Variants in MFSD1 observed in about 807,000 individuals in gnomAD.
MFSD1 encodes the protein lysosomal dipeptide transporter MFSD1.
In MFSD1, 59 loss-of-function variants were observed where a neutral mutation model predicts 67.1. The observed-to-expected ratio is 0.88, with a 90% confidence interval of 0.71 to 1.09. The LOEUF is 1.09. MFSD1 is among the 50% of genes least tolerant of loss of function. MFSD1 has a pLI of 0.00. For missense variants in MFSD1, 552 were observed against 566.1 expected (o/e 0.97, Z 0.25); for synonymous variants, 213 against 200.3 (o/e 1.06, Z -0.54).
intron 5 of MFSD1, chr3:158,808,938 C>T (rs902834742): frequency 3.3e-5 from 13 of 390,084 alleles, no homozygotes; most frequent in Non-Finnish European, 4.2e-5. Flanking sequence ...GCTCCAAGTG[C>T]GAGTGTCGGA....
chr3:158,823,994 TC>T (rs1730825228), intron 12 of MFSD1, 129 bp from the exon 13 acceptor site: 3 of 729,146 alleles, frequency 4.1e-6, no homozygotes. Flanking sequence ...AATCAAGTCA[TC>T]CCTGGTGGAA....
At position 158,819,727 on chromosome 3, in the gene MFSD1, A is replaced by G; in HGVS notation, c.731A>G (p.His244Arg). Reference sequence around the variant, plus strand: ...GATCAGAGAGCAGAGAGAATCCTTCATAAAGAACAAGGAAAAACAGGTAAG... The same window carrying G: ...GATCAGAGAGCAGAGAGAATCCTTCGTAAAGAACAAGGAAAAACAGGTAAG... ...YLDQRAERILHKEQGKTGEVI... is the reference protein window; with the variant it reads ...YLDQRAERILRKEQGKTGEVI... The change falls in exon 8 of 16, where the codon CAT becomes CGT. Residue 244 changes from histidine to arginine, a missense_variant. Transcript: ENST00000415822. 1.9e-6 allele frequency: 3 copies of G among 1,606,520 alleles called. No individual in the cohort carries two copies. Among genetic ancestry groups the G allele is most frequent in the South Asian group, 1.1e-5 (1 of 90,534 alleles).
At chr3:158,804,449 G>T in intron 2 of MFSD1, 78 bp downstream of exon 2, 1 of 1,183,454 alleles carries the variant, frequency 8.4e-7, no homozygotes. Context: ...CAACCCTCAG[G>T]TGCCCTAGTC....
At chr3:158,805,619 A>G (rs1374145345) in intron 3 of MFSD1, 145 bp downstream of exon 3, 14 of 699,980 alleles carry the variant, frequency 2.0e-5, no homozygotes, top group Non-Finnish European at 3.4e-5. Context: ...TGATTTTTAT[A>G]TCTCTGGAGT....
chr3:158,818,334 C>T (rs10936162), intron 7 of MFSD1, among the ~76,000 whole-genome samples: 21,232 of 152,048 alleles, frequency 0.14, 1,763 homozygotes, highest in African/African-American at 0.22. Flanking sequence ...TCACCTCATG[C>T]GTCTATCACT....
At chr3:158,826,573 C>A (rs1188346216) in intron 14 of MFSD1, among the ~76,000 whole-genome samples, 1 of 150,750 alleles carries the variant, frequency 6.6e-6, no homozygotes, top group African/African-American at 2.4e-5. Context: ...ACTGCTTGCT[C>A]CTAAAGAGTT....
chr3:158,812,713 A>G lies in MFSD1; in HGVS notation c.550-1252A>G, dbSNP rs543508280. Among the ~76,000 whole-genome samples the G allele has an allele frequency of 5.9e-5, 9 of 152,316 alleles. No homozygotes were observed. In the South Asian group the frequency reaches 1.9e-3, roughly 32 times the overall value. ...TCTGCCAGTATGAGTCTGTCAAAGTATCATGCCACTTCTATACTCAAACCC... is the reference window on the plus strand; with the variant it reads ...TCTGCCAGTATGAGTCTGTCAAAGTGTCATGCCACTTCTATACTCAAACCC... On this transcript the variant is annotated intron_variant, in intron 6 of 15. Coordinates refer to ENST00000415822, the MANE Select transcript of MFSD1 (RefSeq NM_022736.4).
chr3:158,807,824 CA>C (rs1350950210), intron 5 of MFSD1, among the ~76,000 whole-genome samples: 1 of 152,228 alleles, frequency 6.6e-6, no homozygotes, highest in Non-Finnish European at 1.5e-5. Flanking sequence ...TCTTTCTTAG[CA>C]AGTGATGCGA....
chr3:158,820,404 G>T, intron 9 of MFSD1, 78 bp downstream of exon 9: 2 of 981,840 alleles, frequency 2.0e-6, no homozygotes, highest in Non-Finnish European at 3.2e-6. Flanking sequence ...AGTTTTTAAA[G>T]CAGTAAATCT....
intron 6 of MFSD1, among the ~76,000 whole-genome samples, chr3:158,811,153 G>A (rs548679682): frequency 2.0e-5 from 3 of 152,308 alleles, no homozygotes; most frequent in African/African-American, 7.2e-5. Flanking sequence ...ATTGCTAACG[G>A]AAAATATGTA....
At position 158,802,095 on chromosome 3, in the gene MFSD1, C is replaced by T; in HGVS notation, c.-58C>T. 2 of 1,592,692 alleles carry T rather than the reference C, an allele frequency of 1.3e-6. No individual in the cohort carries two copies. Among genetic ancestry groups the T allele is most frequent in the East Asian group, 2.3e-5 (1 of 44,290 alleles). ...TCTTGACAGTGTTCCACGGGCGCTG[C>T]TTCCTGCCTGGGTTTGGAGTTGTCA... On this transcript the variant is annotated 5_prime_UTR_variant, in exon 1 of 16. Coordinates refer to ENST00000415822, the MANE Select transcript of MFSD1 (RefSeq NM_022736.4).
At chr3:158,826,972 C>G (rs2108239127) in intron 14 of MFSD1, among the ~76,000 whole-genome samples, 1 of 152,188 alleles carries the variant, frequency 6.6e-6, no homozygotes, top group East Asian at 1.9e-4. Flanking sequence ...CCTTTAATTT[C>G]TCTTAATTTT....
At chr3:158,822,196 G>A in intron 11 of MFSD1, 56 bp downstream of exon 11, 2 of 1,532,554 alleles carry the variant, frequency 1.3e-6, no homozygotes, top group African/African-American at 1.4e-5. Flanking sequence ...AGTCTGTCAT[G>A]TTCATCTAAG....
intron 1 of MFSD1, among the ~76,000 whole-genome samples, chr3:158,802,896 G>A (rs563942989): frequency 1.4e-4 from 22 of 152,214 alleles, no homozygotes; most frequent in Admixed American, 6.5e-5. Context: ...TAGACACAGG[G>A]TCTTACAATG....
Position 158,820,234 on chromosome 3 carries a change from T to A in MFSD1, c.771T>A (p.Thr257=). 1 of 1,602,722 alleles carries A rather than the reference T, an allele frequency of 6.2e-7. No homozygotes were observed. Residue 257 remains threonine, a synonymous_variant, in exon 9 of 16, where the codon ACT becomes ACA. Transcript: ENST00000415822. ...TCTAAGGTGAAGTTATTAAATTAAC[T>A]GATGTAAAGGACTTCTCCTTACCCC... The part of the protein sequence containing the change: ...QGKTGEVIKL[T]DVKDFSLPLW...
chr3:158,827,288 C>T lies in MFSD1; in HGVS notation c.1345C>T (p.Leu449=), dbSNP rs371102963. Residue 449 remains leucine (L), a synonymous_variant, in exon 15 of 16, where the codon CTA becomes TTA. Transcript: ENST00000415822. ...GTTTATTTGTGTTTTAGGTGGGAACCTAAATTATTCTGCAAGACAAAGGGA... is the reference window on the plus strand; with the variant it reads ...GTTTATTTGTGTTTTAGGTGGGAACTTAAATTATTCTGCAAGACAAAGGGA... ...YLVNRAQGGN[L]NYSARQREEI... 3.1e-4 allele frequency: 484 copies of T among 1,551,272 alleles called. No homozygotes were observed. The highest frequency in any genetic ancestry group is 1.4e-4 in the Non-Finnish European group (164 of 1,150,478).
At position 158,822,137 on chromosome 3, in the gene MFSD1, T is replaced by C; in HGVS notation, c.1074T>C (p.Ala358=). 2 of 1,610,998 alleles carry C rather than the reference T, an allele frequency of 1.2e-6. No homozygotes were observed. The highest frequency in any genetic ancestry group is 1.7e-6 in the Non-Finnish European group (2 of 1,177,630). ...LAFTMWNPWI[A]MCLLGLSYSL... is the part of the protein sequence containing the mutation. Reference sequence around the variant, plus strand: ...TTACGATGTGGAACCCTTGGATTGCTATGGTAACGTCTGTGTTAGCCCATG... The same window carrying C: ...TTACGATGTGGAACCCTTGGATTGCCATGGTAACGTCTGTGTTAGCCCATG... Residue 358 remains alanine (A), a synonymous_variant, in exon 11 of 16, where the codon GCT becomes GCC. Transcript: ENST00000415822.
At chr3:158,827,945 G>GGAGAGAGAGAGAGAGAGAGAGAGAGAGA (rs755399219) in intron 15 of MFSD1, among the ~76,000 whole-genome samples, 1 of 45,724 alleles carries the variant, frequency 2.2e-5, no homozygotes, top group East Asian at 5.7e-4. Flanking sequence ...AGAGAGAGGG[G>GGAGAGAGAGAGAGAGAGAGAGAGAGAGA]GAGAGAGAGA....
chr3:158,821,738 G>C, intron 10 of MFSD1, 85 bp downstream of exon 10: 1 of 1,197,750 alleles, frequency 8.3e-7, no homozygotes, highest in Admixed American at 2.0e-5. Context: ...CAAAAAAGAT[G>C]TATGTGACCT....
Sources: allele counts gnomAD v4.1 joint callset (sites outside exome capture counted in the v4.1 genomes callset), GRCh38; gene constraint gnomAD v4.1.1; transcripts MANE v1.5; gene names NCBI Gene and HGNC (gene_info 2026-07-23, HGNC 2026-07-21).